The following ABCC9 variants were observed in gnomAD, a reference collection of about 807,000 sequenced individuals.
ABCC9 encodes ATP binding cassette subfamily C member 9.
Under a neutral mutation model 188.3 loss-of-function variants are expected in ABCC9, and 95 were observed. That is an observed-to-expected ratio of 0.50 (90% CI 0.43 to 0.60). The LOEUF (loss-of-function observed/expected upper bound fraction) is 0.60, where lower values mean the gene tolerates loss of function less well. Among genes scored for constraint, ABCC9 ranks in the 20% least tolerant of loss-of-function variants. The probability of loss-of-function intolerance (pLI) is 0.00; values close to 1 mark genes in which losing one functional copy is unlikely to be tolerated. For synonymous variants in ABCC9, 659 were observed against 652.7 expected (o/e 1.01, Z -0.15); for missense variants, 1,102 against 1,876.3 (o/e 0.59, Z 7.62).
chr12:21,856,016 A>G (rs1315946712), intron 22 of ABCC9, among the ~76,000 whole-genome samples: 1 of 152,198 alleles, frequency 6.6e-6, no homozygotes, highest in Non-Finnish European at 1.5e-5. Context: ...AATAACAATA[A>G]TAATAGTAAT....
At chr12:21,857,202 A>G (rs1945269380) in intron 22 of ABCC9, among the ~76,000 whole-genome samples, 1 of 152,224 alleles carries the variant, frequency 6.6e-6, no homozygotes, top group South Asian at 2.1e-4. Context: ...TGCATCTAGC[A>G]CAGAGTTTTT....
At chr12:21,877,788 A>G (rs1037878153) in intron 16 of ABCC9, among the ~76,000 whole-genome samples, 1 of 152,166 alleles carries the variant, frequency 6.6e-6, no homozygotes, top group Non-Finnish European at 1.5e-5. Context: ...GCTAAGAGAC[A>G]TGTAAAAGGA....
At chr12:21,933,457 C>A (rs1043597266) in intron 4 of ABCC9, among the ~76,000 whole-genome samples, 3 of 152,048 alleles carry the variant, frequency 2.0e-5, no homozygotes, top group Admixed American at 2.0e-4. Context: ...GCTCTATCCT[C>A]ACTGATTCTC....
At chr12:21,881,706 C>T (rs202117138) in intron 16 of ABCC9, among the ~76,000 whole-genome samples, 1 of 37,136 alleles carries the variant, frequency 2.7e-5, no homozygotes, top group Non-Finnish European at 6.3e-5. Flanking sequence ...GCCTAGGGAA[C>T]AACACACACA....
At chr12:21,930,523 A>G (rs1242222191) in intron 4 of ABCC9, among the ~76,000 whole-genome samples, 1 of 152,222 alleles carries the variant, frequency 6.6e-6, no homozygotes, top group African/African-American at 2.4e-5. Flanking sequence ...TCTCATCTGT[A>G]AAACTAAGAC....
At chr12:21,859,800 A>G in intron 21 of ABCC9, 134 bp from the exon 22 acceptor site, 1 of 805,166 alleles carries the variant, frequency 1.2e-6, no homozygotes, top group Non-Finnish European at 2.2e-6. Context: ...TTGTAGTAAC[A>G]TTGGTAAGAA....
chr12:21,916,829 A>G (rs1468311703), intron 6 of ABCC9, 108 bp downstream of exon 6: 1 of 968,918 alleles, frequency 1.0e-6, no homozygotes, highest in East Asian at 2.5e-5. Context: ...TATATAAATC[A>G]AATACATGTG....
chr12:21,922,751 C>CTTTTTT (rs143763191), intron 5 of ABCC9, among the ~76,000 whole-genome samples: 2 of 119,120 alleles, frequency 1.7e-5, no homozygotes, highest in Non-Finnish European at 3.6e-5. Flanking sequence ...TTTTTTTTTT[C>CTTTTTT]TTTTTTTTTT....
At chr12:21,865,655 A>G (rs549483498) in intron 18 of ABCC9, among the ~76,000 whole-genome samples, 2 of 152,338 alleles carry the variant, frequency 1.3e-5, no homozygotes, top group South Asian at 2.1e-4. Context: ...GGAAATGCCC[A>G]TTAGACATGT....
At chr12:21,903,268 T>C (rs938896013) in intron 12 of ABCC9, among the ~76,000 whole-genome samples, 8 of 152,196 alleles carry the variant, frequency 5.3e-5, no homozygotes, top group Non-Finnish European at 1.0e-4. Context: ...TTGGTATTGA[T>C]GGGACGTATC....
At chr12:21,811,822 GCT>G (rs1942258760) in intron 36 of ABCC9, among the ~76,000 whole-genome samples, 1 of 152,064 alleles carries the variant, frequency 6.6e-6, no homozygotes, top group Non-Finnish European at 1.5e-5. Flanking sequence ...GGAAAAAGTG[GCT>G]TTTATAGAAT....
intron 18 of ABCC9, among the ~76,000 whole-genome samples, chr12:21,870,897 T>C (rs1946040015): frequency 1.3e-5 from 2 of 152,214 alleles, no homozygotes; most frequent in South Asian, 4.1e-4. Flanking sequence ...ATTTTCTGCA[T>C]CCTCACATCA....
chr12:21,922,976 T>G (rs564186654), intron 5 of ABCC9: 9 of 151,664 alleles, frequency 5.9e-5, no homozygotes, highest in African/African-American at 2.2e-4. Flanking sequence ...AGATTAAATT[T>G]AAATAGTCAT....
At chr12:21,812,483 A>G (rs1209106407) in intron 35 of ABCC9, among the ~76,000 whole-genome samples, 1 of 152,242 alleles carries the variant, frequency 6.6e-6, no homozygotes, top group African/African-American at 2.4e-5. Context: ...GATAAAGAAA[A>G]TATGGCACAT....
chr12:21,814,352 C>T (rs972520654), intron 35 of ABCC9, among the ~76,000 whole-genome samples: 2 of 152,190 alleles, frequency 1.3e-5, no homozygotes, highest in South Asian at 2.1e-4. Flanking sequence ...TGAAATTCCA[C>T]CTCCACCTAC....
intron 18 of ABCC9, among the ~76,000 whole-genome samples, chr12:21,865,565 A>G (rs1945735578): frequency 6.6e-6 from 1 of 152,186 alleles, no homozygotes; most frequent in Non-Finnish European, 1.5e-5. Flanking sequence ...GTTTTAACTA[A>G]TTTGAGGAAG....
At chr12:21,869,820 A>G (rs989152499) in intron 18 of ABCC9, among the ~76,000 whole-genome samples, 1 of 152,184 alleles carries the variant, frequency 6.6e-6, no homozygotes, top group Admixed American at 6.5e-5. Context: ...TCAATTCTAT[A>G]TCCTTGATAC....
chr12:21,914,661 G>A (rs112723770), intron 7 of ABCC9, among the ~76,000 whole-genome samples: 2,911 of 152,144 alleles, frequency 0.019, 92 homozygotes, highest in African/African-American at 0.066. Flanking sequence ...ACGTGGTAAT[G>A]GATTAGTTAT....
intron 12 of ABCC9, among the ~76,000 whole-genome samples, chr12:21,904,453 C>T (rs1387764490): frequency 6.6e-6 from 1 of 152,160 alleles, no homozygotes; most frequent in Admixed American, 6.5e-5. Context: ...TAAAGAGCTT[C>T]TGCACTGCAA....
Sources: allele counts gnomAD v4.1 joint callset (sites outside exome capture counted in the v4.1 genomes callset), GRCh38; gene constraint gnomAD v4.1.1; transcripts MANE v1.5; gene names NCBI Gene and HGNC (gene_info 2026-07-23, HGNC 2026-07-21).